Variants in CDH4 observed in about 807,000 individuals in gnomAD.
The protein encoded by CDH4 is cadherin-4.
A neutral mutation model predicts 86.0 loss-of-function variants in CDH4; 33 were observed. That is an observed-to-expected ratio of 0.38 (90% confidence interval 0.29 to 0.51). CDH4 has a LOEUF of 0.51. Ranked by LOEUF, CDH4 falls within the 20% of genes least tolerant of loss-of-function variation. CDH4 has a pLI of 0.86. For synonymous variants in CDH4, 555 were observed against 549.4 expected (o/e 1.01, Z -0.14); for missense variants, 1,114 against 1,307.4 (o/e 0.85, Z 2.28).
intron 8 of CDH4, among the ~76,000 whole-genome samples, chr20:61,900,755 G>T (rs916881902): frequency 6.6e-6 from 1 of 152,136 alleles, no homozygotes; most frequent in African/African-American, 2.4e-5. Flanking sequence ...GGGGGTGGGC[G>T]CTGGGCCAGA....
intron 3 of CDH4, among the ~76,000 whole-genome samples, chr20:61,768,336 G>A (rs975891640): frequency 2.0e-5 from 3 of 152,150 alleles, no homozygotes; most frequent in Non-Finnish European, 2.9e-5. Flanking sequence ...CATATTTGAC[G>A]TGTGCATTCA....
At chr20:61,769,244 C>T (rs1000108576) in intron 3 of CDH4, among the ~76,000 whole-genome samples, 10 of 152,164 alleles carry the variant, frequency 6.6e-5, no homozygotes, top group East Asian at 5.8e-4. Context: ...ACATATCAGG[C>T]GTGGTTGGCG....
chr20:61,460,160 CA>C (rs1289597157), intron 2 of CDH4, among the ~76,000 whole-genome samples: 2 of 152,184 alleles, frequency 1.3e-5, no homozygotes, highest in Non-Finnish European at 2.9e-5. Flanking sequence ...AGGCTGTTAA[CA>C]GGGAGCGCTT....
At chr20:61,294,554 G>A (rs1469190019) in intron 2 of CDH4, among the ~76,000 whole-genome samples, 3 of 152,230 alleles carry the variant, frequency 2.0e-5, no homozygotes, top group East Asian at 3.8e-4. Flanking sequence ...ACTGGCCCAC[G>A]GTCACCATCT....
At chr20:61,367,769 T>C (rs1409834952) in intron 2 of CDH4, among the ~76,000 whole-genome samples, 1 of 151,838 alleles carries the variant, frequency 6.6e-6, no homozygotes, top group Non-Finnish European at 1.5e-5. Flanking sequence ...TTGATTCAGG[T>C]CAGAAGCCTC....
intron 2 of CDH4, among the ~76,000 whole-genome samples, chr20:61,550,588 C>T (rs555682731): frequency 1.3e-4 from 19 of 151,356 alleles, no homozygotes; most frequent in African/African-American, 3.9e-4. Flanking sequence ...ATCCTTCTCA[C>T]GGGGATGACC....
chr20:61,337,271 G>GATA, intron 2 of CDH4, among the ~76,000 whole-genome samples: 1 of 472 alleles, frequency 2.1e-3, no homozygotes, highest in Non-Finnish European at 7.0e-3. Flanking sequence ...TGGTGATGGT[G>GATA]GTGATATGAT....
chr20:61,478,857 C>T (rs1263610062), intron 2 of CDH4, among the ~76,000 whole-genome samples: 3 of 152,252 alleles, frequency 2.0e-5, no homozygotes, highest in African/African-American at 4.8e-5. Context: ...CTGTATCACC[C>T]TCTGCCTGGG....
At chr20:61,344,766 G>A (rs926311944) in intron 2 of CDH4, among the ~76,000 whole-genome samples, 6 of 152,134 alleles carry the variant, frequency 3.9e-5, no homozygotes, top group Non-Finnish European at 7.3e-5. Context: ...TTTGTGTGAT[G>A]TCTGTAATAC....
chr20:61,541,437 C>G (rs1233175722), intron 2 of CDH4, among the ~76,000 whole-genome samples: 1 of 152,220 alleles, frequency 6.6e-6, no homozygotes, highest in Non-Finnish European at 1.5e-5. Flanking sequence ...ATAGCAAGCA[C>G]ACTGGCTAAT....
intron 2 of CDH4, among the ~76,000 whole-genome samples, chr20:61,282,487 G>A (rs1238690987): frequency 6.6e-6 from 1 of 152,070 alleles, no homozygotes; most frequent in African/African-American, 2.4e-5. Context: ...AGAATAAAAG[G>A]GTAACTTCAT....
At chr20:61,920,025 C>CATGTT (rs2054953541) in intron 9 of CDH4, among the ~76,000 whole-genome samples, 11 of 8,284 alleles carry the variant, frequency 1.3e-3, no homozygotes, top group East Asian at 4.1e-3. Flanking sequence ...TGCGTGGAAG[C>CATGTT]GTGTCGTGAT....
chr20:61,922,723 C>T (rs2054995248), intron 9 of CDH4, among the ~76,000 whole-genome samples: 1 of 152,186 alleles, frequency 6.6e-6, no homozygotes, highest in Admixed American at 6.5e-5. Context: ...TGGCTCCTCC[C>T]TGCACCTGTG....
chr20:61,288,090 T>A (rs1290240408), intron 2 of CDH4, among the ~76,000 whole-genome samples: 4 of 152,200 alleles, frequency 2.6e-5, no homozygotes, highest in Non-Finnish European at 5.9e-5. Context: ...CCAAATCTGC[T>A]TGGTGAAAGA....
At chr20:61,586,014 TGTGATG>T (rs1180132863) in intron 2 of CDH4, among the ~76,000 whole-genome samples, 3 of 139,400 alleles carry the variant, frequency 2.2e-5, no homozygotes, top group Non-Finnish European at 1.5e-5. Flanking sequence ...TGATGGTGAT[TGTGATG>T]GTGATGGTGA....
intron 2 of CDH4, chr20:61,718,776 C>T (rs923932814): frequency 2.1e-6 from 1 of 471,074 alleles, no homozygotes; most frequent in South Asian, 1.6e-5. Context: ...CCCCTGCACA[C>T]ACACACTCTC....
At chr20:61,699,767 GGACCCGGGGCTTTCACCGCT>G (rs71185927) in intron 2 of CDH4, among the ~76,000 whole-genome samples, 7,193 of 140,674 alleles carry the variant, frequency 0.051, 517 homozygotes, top group African/African-American at 0.15. Context: ...CTTTCACCGC[GGACCCGGGGCTTTCACCGCT>G]GACCCGGGGC....
chr20:61,497,166 T>A (rs1214863678), intron 2 of CDH4, among the ~76,000 whole-genome samples: 1 of 152,142 alleles, frequency 6.6e-6, no homozygotes, highest in Non-Finnish European at 1.5e-5. Context: ...TTTTTCCCCA[T>A]CCTTTCTGAC....
At chr20:61,556,467 T>TA (rs2086178315) in intron 2 of CDH4, among the ~76,000 whole-genome samples, 1 of 152,080 alleles carries the variant, frequency 6.6e-6, no homozygotes, top group Non-Finnish European at 1.5e-5. Flanking sequence ...AGACTTTTGT[T>TA]AAACAGCAGA....
Sources: gnomAD v4.1 joint callset for allele counts (sites outside exome capture counted in the v4.1 genomes callset) on GRCh38, gnomAD v4.1.1 for gene constraint, MANE v1.5 for transcripts, NCBI Gene and HGNC (gene_info 2026-07-23, HGNC 2026-07-21) for gene names.